PCDHGC4: variants seen among roughly 807,000 people sequenced by gnomAD.
The protein encoded by PCDHGC4 is protocadherin gamma subfamily C, 4.
A neutral mutation model predicts 59.7 loss-of-function variants in PCDHGC4; 15 were observed. The ratio of observed to expected loss-of-function variants is 0.25; its 90% CI spans 0.17 to 0.39. The LOEUF (loss-of-function observed/expected upper bound fraction) is 0.39. Among genes scored for constraint, PCDHGC4 ranks in the 10% least tolerant of loss-of-function variants. The pLI, the probability that PCDHGC4 is intolerant of heterozygous loss-of-function variation, is 1.00. For synonymous variants in PCDHGC4, 434 were observed against 481.4 expected, an observed-to-expected ratio of 0.90 and a Z score of 1.29; for missense variants, 1,016 against 1,189.5, an observed-to-expected ratio of 0.85 and a Z score of 2.15.
chr5:141,501,304 C>T (rs1005430489), intron 2 of PCDHGC4, among the ~76,000 whole-genome samples: 104 of 151,340 alleles, frequency 6.9e-4, no homozygotes, highest in African/African-American at 2.2e-3. Flanking sequence ...CACACACACA[C>T]ACACACACAC....
chr5:141,494,962 T>G (rs1644946600), intron 2 of PCDHGC4, 97 bp downstream of exon 2: 4 of 1,596,756 alleles, frequency 2.5e-6, no homozygotes, highest in Non-Finnish European at 3.4e-6. Context: ...TTGCTACAGA[T>G]GGCTTCTCCC....
chr5:141,501,025 C>T (rs999221755), intron 2 of PCDHGC4, among the ~76,000 whole-genome samples: 94 of 152,100 alleles, frequency 6.2e-4, no homozygotes, highest in East Asian at 1.9e-3. Flanking sequence ...CGCGCCACCA[C>T]GCCCAGCTAA....
chr5:141,510,916 G>C (rs1044988697), intron 3 of PCDHGC4, 31 bp from the exon 4 acceptor site: 2 of 1,613,714 alleles, frequency 1.2e-6, no homozygotes, highest in African/African-American at 1.3e-5. Flanking sequence ...CCTAAGTTTA[G>C]CTCCCACCTG....
Position 141,491,265 on chromosome 5 carries a change from CA to C in PCDHGC4, c.2443-3539del. ...AGGATGAGGACCCTGAGGAAATGCC[CA>C]AATCCAGTGACTTCCTCATACACCC... On this transcript the variant is annotated intron_variant, in intron 1 of 3. Coordinates refer to ENST00000306593, the MANE Select transcript of PCDHGC4 (RefSeq NM_018928.3). This position sits in a 1 kb window ranked among gnomAD's most constrained non-coding sequence, Gnocchi z 6.9. 1 of 1,614,074 alleles carries C rather than the reference CA, an allele frequency of 6.2e-7. No individual in the cohort carries two copies.
In PCDHGC4 at chr5:141,485,701, A is replaced by G. The variant is rs747748476; in HGVS notation, c.528A>G (p.Glu176=). The G allele has an allele frequency of 1.9e-6, 3 of 1,614,104 alleles. No homozygotes were observed. Among genetic ancestry groups the G allele is most frequent in the Non-Finnish European group, 2.5e-6 (3 of 1,180,010 alleles). The change falls in exon 1 of 4, where the codon GAA becomes GAG. Residue 176 remains glutamate, a synonymous_variant. Transcript: ENST00000306593. The surrounding 1 kb of genome is among the most constrained non-coding windows in gnomAD (Gnocchi z 5.7). The part of the protein sequence containing the change: ...SISSYRLSSN[E]HFALDVKKRS... ...GCAGCTATAGGCTGAGCTCCAATGAACACTTTGCACTGGATGTGAAGAAGC... is the reference window on the plus strand; with the variant it reads ...GCAGCTATAGGCTGAGCTCCAATGAGCACTTTGCACTGGATGTGAAGAAGC...
At chr5:141,510,844 C>A in intron 3 of PCDHGC4, 103 bp from the exon 4 acceptor site, 1 of 1,592,684 alleles carries the variant, frequency 6.3e-7, no homozygotes, top group South Asian at 1.1e-5. Context: ...GTGGTCAAGG[C>A]CCAGGGTGCT....
At chr5:141,495,437 C>T (rs2099761356) in intron 2 of PCDHGC4, among the ~76,000 whole-genome samples, 1 of 152,178 alleles carries the variant, frequency 6.6e-6, no homozygotes, top group East Asian at 1.9e-4. Flanking sequence ...GTCCTCTGCC[C>T]CTACTTGTCC....
At position 141,485,343 on chromosome 5, in the gene PCDHGC4, A is replaced by G; in HGVS notation, c.170A>G (p.Asp57Gly). ...GCTCAAGATTTCCTGCTGGATACGG[A>G]CAGTCTGTCAGCTCGCAGGCTGCAG... The part of the protein sequence containing the change: ...NVAQDFLLDT[D>G]SLSARRLQVA... The change falls in exon 1 of 4, where the codon GAC (aspartate) becomes GGC (glycine). Residue 57 changes from aspartate (D) to glycine (G), a missense_variant. Asp to Gly is a moderately conservative substitution (Grantham distance 94). Transcript: ENST00000306593. This position sits in a 1 kb window ranked among gnomAD's most constrained non-coding sequence, Gnocchi z 5.7. 1 of 1,614,062 alleles carries G rather than the reference A, an allele frequency of 6.2e-7. No homozygotes were observed. Among genetic ancestry groups the G allele is most frequent in the Non-Finnish European group, 8.5e-7 (1 of 1,179,984 alleles).
chr5:141,511,361 G>C lies in PCDHGC4; in HGVS notation c.*188G>C, dbSNP rs2099883750. 7.4e-7 allele frequency: 1 copy of C among 1,345,388 alleles called. No individual in the cohort carries two copies. Among genetic ancestry groups the C allele is most frequent in the Non-Finnish European group, 9.9e-7 (1 of 1,006,550 alleles). The allele number at this position is 1,345,388 out of a possible 1,614,324, so 83.3% of individuals were successfully genotyped here. On this transcript the variant is annotated 3_prime_UTR_variant, in exon 4 of 4. Transcript: ENST00000306593. ...CCTACCCCTTCCCCCCCAGGGGGTTGAATATGCAAAAGCAGTTCCGCTGGG... is the reference window on the plus strand; with the variant it reads ...CCTACCCCTTCCCCCCCAGGGGGTTCAATATGCAAAAGCAGTTCCGCTGGG...
At position 141,511,130 on chromosome 5, in the gene PCDHGC4, G is replaced by A. The variant is rs777082914; in HGVS notation, c.2774G>A (p.Gly925Asp). ...GKRDGKAPAG[G>D]NGNKKKSGKK... ...CGGGATGGCAAGGCCCCAGCAGGTG[G>A]CAATGGCAACAAGAAGAAGTCGGGC... The change falls in exon 4 of 4, where the codon GGC (glycine) becomes GAC (aspartate). Residue 925 changes from glycine (G) to aspartate (D), a missense_variant. Coordinates refer to ENST00000306593, the MANE Select transcript of PCDHGC4 (RefSeq NM_018928.3). 6.2e-7 allele frequency: 1 copy of A among 1,614,210 alleles called. No homozygotes were observed. The highest frequency in any genetic ancestry group is 1.1e-5 in the South Asian group (1 of 91,090).
intron 3 of PCDHGC4, among the ~76,000 whole-genome samples, chr5:141,509,092 G>T (rs943269087): frequency 1.3e-5 from 2 of 152,180 alleles, no homozygotes; most frequent in African/African-American, 4.8e-5. Context: ...TGAAATGGGG[G>T]CTGTAGAAAC....
chr5:141,501,945 T>G (rs1318749969), intron 2 of PCDHGC4, among the ~76,000 whole-genome samples: 5 of 152,106 alleles, frequency 3.3e-5, no homozygotes, highest in African/African-American at 1.2e-4. Context: ...CACTGCTCCC[T>G]GTGACAGGTC....
chr5:141,494,198 C>T (rs1383940298), intron 1 of PCDHGC4, among the ~76,000 whole-genome samples: 8 of 152,158 alleles, frequency 5.3e-5, no homozygotes, highest in African/African-American at 1.7e-4. Context: ...TTGGATGCCC[C>T]GCAAAGGCCC....
chr5:141,490,985 C>T lies in PCDHGC4; in HGVS notation c.2442+3370C>T. On this transcript the variant is annotated intron_variant, in intron 1 of 3. Transcript: ENST00000306593. This position sits in a 1 kb window ranked among gnomAD's most constrained non-coding sequence, Gnocchi z 5.4. ...TCAGCCCCCCAGCGTCTCCCTCGCT[C>T]TGCTCCTCCTGGCTCCTTGGTCACC... The T allele has an allele frequency of 1.9e-6, 3 of 1,614,128 alleles. No individual in the cohort carries two copies. The highest frequency in any genetic ancestry group is 2.5e-6 in the Non-Finnish European group (3 of 1,180,032).
chr5:141,492,460 G>T (rs2099740851), intron 1 of PCDHGC4, among the ~76,000 whole-genome samples: 1 of 152,218 alleles, frequency 6.6e-6, no homozygotes, highest in African/African-American at 2.4e-5. Flanking sequence ...GCGCGCCTGA[G>T]GGTCCCAGAT....
intron 2 of PCDHGC4, among the ~76,000 whole-genome samples, chr5:141,501,026 G>A (rs1053442173): frequency 7.9e-5 from 12 of 151,608 alleles, no homozygotes; most frequent in Non-Finnish European, 1.5e-4. Flanking sequence ...GCGCCACCAC[G>A]CCCAGCTAAT....
chr5:141,487,596 A>T lies in PCDHGC4; in HGVS notation c.2423A>T (p.Asp808Val). ...EPVRPSCPPSDLLYGLEQAPP... is the reference protein window; with the variant it reads ...EPVRPSCPPSVLLYGLEQAPP... The stretch of plus-strand genomic sequence containing the variant: ...GTTCGCCCAAGCTGCCCACCCTCTG[A>T]TCTTCTCTATGGGCTAGAGGTGAGA... Residue 808 changes from aspartate to valine, a missense_variant, in exon 1 of 4, where the codon GAT becomes GTT. Transcript: ENST00000306593. The surrounding 1 kb of genome is among the most constrained non-coding windows in gnomAD (Gnocchi z 5.0). The T allele has an allele frequency of 1.2e-6, 2 of 1,614,108 alleles. No individual in the cohort carries two copies. Among genetic ancestry groups the T allele is most frequent in the Non-Finnish European group, 8.5e-7 (1 of 1,180,024 alleles).
Position 141,490,820 on chromosome 5 carries a change from T to G in PCDHGC4, c.2442+3205T>G. On this transcript the variant is annotated intron_variant, in intron 1 of 3. Transcript: ENST00000306593. The surrounding 1 kb of genome is among the most constrained non-coding windows in gnomAD (Gnocchi z 5.4). ...CAGCGTACCTTTGACTATGAATTGC[T>G]GCAGATGCTGCAGATTGTGGTGGGG... 6.2e-7 allele frequency: 1 copy of G among 1,613,820 alleles called. No homozygotes were observed. Among genetic ancestry groups the G allele is most frequent in the Non-Finnish European group, 8.5e-7 (1 of 1,179,768 alleles).
intron 3 of PCDHGC4, among the ~76,000 whole-genome samples, chr5:141,506,473 G>A (rs976701500): frequency 2.7e-4 from 40 of 150,506 alleles, no homozygotes; most frequent in Admixed American, 1.5e-3. Flanking sequence ...AAAGAGCACA[G>A]GCTTTAGAGG....
Sources: gnomAD v4.1 joint callset for allele counts (sites outside exome capture counted in the v4.1 genomes callset) on GRCh38, gnomAD v4.1.1 for gene constraint, Gnocchi (gnomAD v3.1) non-coding constraint, MANE v1.5 for transcripts, NCBI Gene and HGNC (gene_info 2026-07-23, HGNC 2026-07-21) for gene names.